NTRK3: variants seen among roughly 807,000 people sequenced by gnomAD.
The protein encoded by NTRK3 is neurotrophic receptor tyrosine kinase 3.
NTRK3 carries 24 observed loss-of-function variants against 91.7 expected under a neutral mutation model. The ratio of observed to expected loss-of-function variants is 0.26; its 90% CI spans 0.19 to 0.37. The LOEUF (loss-of-function observed/expected upper bound fraction) is 0.37. NTRK3 is among the 10% of genes least tolerant of loss of function. The pLI is 1.00. For synonymous variants in NTRK3, 483 were observed against 404.0 expected (o/e 1.20, Z -2.34); for missense variants, 880 against 1,068.9 (o/e 0.82, Z 2.46).
At chr15:87,868,648 G>C in exon 19 of NTRK3, 1 of 219,886 alleles carries the variant, frequency 4.5e-6, no homozygotes, top group Non-Finnish European at 9.1e-6. Context: ...CAAAACTTTG[G>C]ATGTAATCAA....
intron 3 of NTRK3, among the ~76,000 whole-genome samples, chr15:88,244,709 C>T (rs2052663741): frequency 6.6e-6 from 1 of 152,182 alleles, no homozygotes; most frequent in African/African-American, 2.4e-5. Context: ...CCATGGGAGG[C>T]TCTCATGAGT....
chr15:88,213,092 T>C (rs576866514), intron 3 of NTRK3, among the ~76,000 whole-genome samples: 21 of 152,378 alleles, frequency 1.4e-4, no homozygotes, highest in Admixed American at 6.5e-4. Flanking sequence ...TGACTGAGAC[T>C]AGCACAAATG....
Position 87,876,113 on chromosome 15 carries a change from A to T in NTRK3, c.*822T>A, listed in dbSNP as rs1421682084. The T allele has an allele frequency of 1.3e-5, 3 of 232,502 alleles. No individual in the cohort carries two copies. In the East Asian group the frequency reaches 1.8e-4, roughly 14 times the overall value. The allele number at this position is 232,502 out of a possible 1,614,324, so 14.4% of individuals were successfully genotyped here. A position where few individuals can be genotyped will look rare whatever the true frequency, so the allele number is the denominator to read the frequency against. On this transcript the variant is annotated 3_prime_UTR_variant, in exon 19 of 19. Transcript: ENST00000394480. ...CTTCTGTGGTTCTTTTACTCCAGAAAGTCCAGTTCTTTAAGTTCTGAGAAT... is the reference window on the plus strand; with the variant it reads ...CTTCTGTGGTTCTTTTACTCCAGAATGTCCAGTTCTTTAAGTTCTGAGAAT...
At chr15:88,036,579 G>T (rs1332491944) in intron 13 of NTRK3, among the ~76,000 whole-genome samples, 1 of 152,174 alleles carries the variant, frequency 6.6e-6, no homozygotes, top group East Asian at 1.9e-4. Flanking sequence ...TGGGGATTTA[G>T]TATCATAGAG....
chr15:87,916,848 G>C (rs2067483628), intron 17 of NTRK3, among the ~76,000 whole-genome samples: 1 of 148,972 alleles, frequency 6.7e-6, no homozygotes. Flanking sequence ...TGCAACCTCT[G>C]CCTTCTGGGT....
At chr15:88,250,871 T>C (rs928907110) in intron 3 of NTRK3, among the ~76,000 whole-genome samples, 3 of 152,272 alleles carry the variant, frequency 2.0e-5, no homozygotes, top group Non-Finnish European at 4.4e-5. Flanking sequence ...ATACATTAAA[T>C]ATGAAATATC....
At chr15:88,128,802 C>A in intron 10 of NTRK3, 68 bp from the exon 11 acceptor site, 1 of 1,381,214 alleles carries the variant, frequency 7.2e-7, no homozygotes, top group Non-Finnish European at 1.0e-6. Context: ...ACTACTTGGT[C>A]CTAATAGCTA....
chr15:88,246,500 T>G (rs1339524480), intron 3 of NTRK3, among the ~76,000 whole-genome samples: 2 of 152,198 alleles, frequency 1.3e-5, no homozygotes, highest in African/African-American at 4.8e-5. Context: ...TCAGACAGCC[T>G]GAGAGCCTGT....
intron 13 of NTRK3, among the ~76,000 whole-genome samples, chr15:88,103,536 A>G (rs1195733621): frequency 6.6e-6 from 1 of 152,204 alleles, no homozygotes; most frequent in Non-Finnish European, 1.5e-5. Context: ...GGCAGCTTCA[A>G]TACTGCCCAT....
intron 14 of NTRK3, among the ~76,000 whole-genome samples, chr15:87,962,342 A>G (rs1324452540): frequency 1.3e-5 from 2 of 152,046 alleles, no homozygotes. Context: ...AAGAGGATAT[A>G]TTTCTCCTGC....
chr15:88,067,558 C>A (rs2046760515), intron 13 of NTRK3, among the ~76,000 whole-genome samples: 1 of 152,110 alleles, frequency 6.6e-6, no homozygotes, highest in Non-Finnish European at 1.5e-5. Context: ...TGTGGTGGGT[C>A]AGAGCAGCAG....
chr15:88,251,722 T>C (rs1213652616), intron 3 of NTRK3, among the ~76,000 whole-genome samples: 1 of 152,240 alleles, frequency 6.6e-6, no homozygotes, highest in Non-Finnish European at 1.5e-5. Flanking sequence ...TGGCAGGGAC[T>C]GGCAAGGCAA....
chr15:88,059,484 A>T (rs948424766), intron 13 of NTRK3, among the ~76,000 whole-genome samples: 1 of 152,184 alleles, frequency 6.6e-6, no homozygotes, highest in Non-Finnish European at 1.5e-5. Context: ...TTCCAGGCCC[A>T]TATAAATATT....
At chr15:88,113,594 G>C (rs1567439254) in intron 13 of NTRK3, among the ~76,000 whole-genome samples, 2 of 152,150 alleles carry the variant, frequency 1.3e-5, no homozygotes, top group African/African-American at 2.4e-5. Flanking sequence ...GGGATTATAG[G>C]CATGAGCCAC....
In NTRK3 at chr15:87,870,525, C is replaced by T. The variant is rs1294091545; in HGVS notation, c.*6410G>A. ...TGTGCCAAAATCTCACAAATCACCA[C>T]CAAAGAACTTACTCATGTAACCAAA... On this transcript the variant is annotated 3_prime_UTR_variant, in exon 19 of 19. Coordinates refer to ENST00000394480, the Ensembl canonical transcript of NTRK3. The T allele has an allele frequency of 3.4e-5, 7 of 207,572 alleles. No homozygotes were observed. The Admixed American group carries it at 4.2e-4, about 12-fold the overall frequency. The allele number at this position is 207,572 out of a possible 1,614,324, so 12.9% of individuals were successfully genotyped here. A position where few individuals can be genotyped will look rare whatever the true frequency, so the allele number is the denominator to read the frequency against.
chr15:88,148,797 TAC>T (rs1241397875), intron 5 of NTRK3, among the ~76,000 whole-genome samples: 2 of 152,262 alleles, frequency 1.3e-5, no homozygotes, highest in East Asian at 3.9e-4. Context: ...AGGAAGCTGC[TAC>T]AGTCTTCCAA....
At chr15:88,097,368 C>T (rs1407154028) in intron 13 of NTRK3, among the ~76,000 whole-genome samples, 1 of 152,064 alleles carries the variant, frequency 6.6e-6, no homozygotes, top group African/African-American at 2.4e-5. Flanking sequence ...ATATGTCTAC[C>T]TGAGTAACTC....
At chr15:87,939,971 G>A (rs905803461) in intron 15 of NTRK3, among the ~76,000 whole-genome samples, 5 of 152,230 alleles carry the variant, frequency 3.3e-5, no homozygotes, top group African/African-American at 1.2e-4. Context: ...TCTGCCACGT[G>A]TCTTGGCAAT....
chr15:87,901,811 G>T (rs1356697840), intron 17 of NTRK3, among the ~76,000 whole-genome samples: 1 of 151,968 alleles, frequency 6.6e-6, no homozygotes, highest in Non-Finnish European at 1.5e-5. Context: ...AAAAGGAGAG[G>T]AAGAGGTTAA....
Sources: gnomAD v4.1 joint callset for allele counts (sites outside exome capture counted in the v4.1 genomes callset) on GRCh38, gnomAD v4.1.1 for gene constraint, MANE v1.5 for transcripts, NCBI Gene and HGNC (gene_info 2026-07-23, HGNC 2026-07-21) for gene names.